The following SPATA13 variants were observed in gnomAD, a reference collection of about 807,000 sequenced individuals.
The protein encoded by SPATA13 is spermatogenesis associated 13.
In SPATA13, 50 loss-of-function variants were observed where a neutral mutation model predicts 104.0. That is an observed-to-expected ratio of 0.48 (90% CI 0.38 to 0.61). The LOEUF is 0.61. Among genes scored for constraint, SPATA13 ranks in the 20% least tolerant of loss-of-function variants. SPATA13 has a pLI of 0.00. For missense variants in SPATA13, 1,524 were observed against 1,690.6 expected, an observed-to-expected ratio of 0.90 and a Z score of 1.73; for synonymous variants, 606 against 667.5, an observed-to-expected ratio of 0.91 and a Z score of 1.42.
At chr13:24,191,273 G>C (rs1869724213) in intron 1 of SPATA13, among the ~76,000 whole-genome samples, 1 of 151,920 alleles carries the variant, frequency 6.6e-6, no homozygotes, top group Non-Finnish European at 1.5e-5. Context: ...ATCTTGCCCA[G>C]CCATATTTTA....
chr13:24,301,733 G>A (rs527461409), intron 12 of SPATA13, among the ~76,000 whole-genome samples: 59 of 152,300 alleles, frequency 3.9e-4, no homozygotes, highest in Non-Finnish European at 6.6e-4. Context: ...CACCCTCTTC[G>A]TGCCATGCTG....
At chr13:24,079,398 C>T (rs1240351869) in intron 3 of SPATA13, among the ~76,000 whole-genome samples, 1 of 152,200 alleles carries the variant, frequency 6.6e-6, no homozygotes, top group Non-Finnish European at 1.5e-5. Flanking sequence ...TGGTTTCTTG[C>T]TGCAGAATGG....
intron 1 of SPATA13, among the ~76,000 whole-genome samples, chr13:23,981,709 C>T (rs1566061023): frequency 6.6e-6 from 1 of 152,156 alleles, no homozygotes; most frequent in Non-Finnish European, 1.5e-5. Flanking sequence ...CAGAGAAGTG[C>T]GGTGATAAGC....
At chr13:24,299,468 C>G (rs1276925401) in intron 11 of SPATA13, among the ~76,000 whole-genome samples, 1 of 152,192 alleles carries the variant, frequency 6.6e-6, no homozygotes, top group Admixed American at 6.5e-5. Flanking sequence ...CTTCAGGTAG[C>G]AGATCAGAGA....
At chr13:24,153,292 T>G (rs1399299607) in intron 3 of SPATA13, among the ~76,000 whole-genome samples, 1 of 152,240 alleles carries the variant, frequency 6.6e-6, no homozygotes, top group East Asian at 1.9e-4. Context: ...ATTTTCCACC[T>G]GCAGTCCTGT....
At chr13:24,227,719 T>C (rs1230612799) in intron 2 of SPATA13, among the ~76,000 whole-genome samples, 4 of 152,106 alleles carry the variant, frequency 2.6e-5, no homozygotes, top group African/African-American at 2.4e-5. Context: ...TACAAGCGTG[T>C]ACTAACATGC....
chr13:24,270,906 C>T (rs754973477), intron 4 of SPATA13: 23 of 1,609,590 alleles, frequency 1.4e-5, no homozygotes, highest in Non-Finnish European at 2.0e-5. Context: ...GGAAAGCCTT[C>T]ACTTGGGTAT....
chr13:24,122,676 A>G (rs1371182939), intron 3 of SPATA13: 1 of 1,036,286 alleles, frequency 9.6e-7, no homozygotes, highest in Admixed American at 1.7e-5. Flanking sequence ...GACAGACAGA[A>G]GTGTGTCTGT....
chr13:24,282,052 G>C (rs1398894727), intron 4 of SPATA13, among the ~76,000 whole-genome samples: 1 of 152,126 alleles, frequency 6.6e-6, no homozygotes, highest in East Asian at 1.9e-4. Context: ...TCTAGTGCCA[G>C]ACTCCTGGGC....
intron 3 of SPATA13, among the ~76,000 whole-genome samples, chr13:24,041,478 C>T (rs563569717): frequency 2.6e-5 from 4 of 152,196 alleles, no homozygotes; most frequent in Middle Eastern, 6.8e-3. Context: ...TGAAAGATAT[C>T]GTCATATAAC....
intron 1 of SPATA13, among the ~76,000 whole-genome samples, chr13:24,179,148 T>A (rs1037829703): frequency 4.6e-5 from 7 of 152,264 alleles, no homozygotes; most frequent in African/African-American, 1.7e-4. Context: ...ATTGTATGTA[T>A]GTACCTCATT....
chr13:24,223,722 T>C lies in SPATA13; in HGVS notation c.793T>C (p.Ser265Pro), dbSNP rs1296763285. 1.3e-6 allele frequency: 2 copies of C among 1,551,986 alleles called. No individual in the cohort carries two copies. The highest frequency in any genetic ancestry group is 2.4e-5 in the South Asian group (2 of 84,060). The change falls in exon 2 of 13, where the codon TCC becomes CCC. Residue 265 changes from serine (S) to proline (P), a missense_variant. Ser to Pro is a moderately conservative substitution (Grantham distance 74). Around this residue, in one of 2 missense-constraint regions of SPATA13, gnomAD observed 1,089 missense variants for 1,135.9 expected, o/e 0.96. Transcript: ENST00000382108. ...CAATCTTGCCTTTCTGAAGAAGAGC[T>C]CCTTTAAGCGGAAGTCCACCTCCAA... ...TDNLAFLKKS[S>P]FKRKSTSNLA... is the part of the protein sequence containing the mutation.
chr13:24,225,747 A>C (rs573099568), intron 2 of SPATA13, among the ~76,000 whole-genome samples: 1 of 152,130 alleles, frequency 6.6e-6, no homozygotes, highest in Non-Finnish European at 1.5e-5. Context: ...GGGCCCCCAG[A>C]AGGGTTGCCA....
At chr13:24,144,710 G>T (rs1455637079) in intron 3 of SPATA13, among the ~76,000 whole-genome samples, 3 of 152,032 alleles carry the variant, frequency 2.0e-5, no homozygotes, top group Admixed American at 6.6e-5. Context: ...TTCAGACTTT[G>T]GCCAGCGTGG....
At chr13:24,270,852 A>C (rs774157504) in intron 4 of SPATA13, 2 of 1,612,884 alleles carry the variant, frequency 1.2e-6, no homozygotes, top group East Asian at 4.5e-5. Context: ...TTTTCCAAAC[A>C]GAAGGATGGT....
intron 4 of SPATA13, among the ~76,000 whole-genome samples, chr13:24,283,532 A>G (rs531758804): frequency 2.4e-4 from 36 of 152,364 alleles, no homozygotes; most frequent in Admixed American, 2.4e-3. Flanking sequence ...TCTGACTAGC[A>G]GGGTGGCCAA....
chr13:24,284,070 TC>T, intron 4 of SPATA13, 64 bp from the exon 5 acceptor site: 1 of 1,544,638 alleles, frequency 6.5e-7, no homozygotes, highest in Non-Finnish European at 8.8e-7. Context: ...CCAAATTTTT[TC>T]ATCATATGAA....
chr13:23,995,846 A>G lies in SPATA13; in HGVS notation c.-147+11913A>G, dbSNP rs532669126. ...GTTTCCTGAGAACTGGGGAAGGGTG[A>G]GGCTGCCTTGAACTGCGTGGAGGAA... is the stretch of plus-strand genomic sequence containing the variant. On this transcript the variant is annotated intron_variant, in intron 2 of 14. Coordinates refer to the SPATA13 transcript ENST00000424834. Among the ~76,000 whole-genome samples the G allele has an allele frequency of 3.5e-3, 533 of 152,162 alleles. 4 individuals carry two copies. The highest frequency in any genetic ancestry group is 0.012 in the African/African-American group (503 of 41,530).
chr13:24,097,788 C>G (rs1273750353), intron 3 of SPATA13, among the ~76,000 whole-genome samples: 1 of 152,166 alleles, frequency 6.6e-6, no homozygotes, highest in Non-Finnish European at 1.5e-5. Flanking sequence ...AAGCATGGTA[C>G]AATTTGAGAA....
Sources: allele counts gnomAD v4.1 joint callset (sites outside exome capture counted in the v4.1 genomes callset), GRCh38; gene constraint gnomAD v4.1.1; regional missense constraint gnomAD v4.1.1; transcripts MANE v1.5; gene names NCBI Gene and HGNC (gene_info 2026-07-23, HGNC 2026-07-21).